FAM200A: variants seen among roughly 807,000 people sequenced by gnomAD.
FAM200A encodes ZBED8 like.
FAM200A carries 26 observed loss-of-function variants against 44.2 expected under a neutral mutation model. The ratio of observed to expected loss-of-function variants is 0.59; its 90% CI spans 0.43 to 0.82. FAM200A has a LOEUF of 0.82. FAM200A is among the 40% of genes least tolerant of loss of function. The pLI is 0.00. For synonymous variants in FAM200A, 206 were observed against 244.4 expected (o/e 0.84, Z 1.47); for missense variants, 606 against 669.5 (o/e 0.91, Z 1.05).
At chr7:99,549,693 T>A (rs1315923306) in intron 1 of FAM200A, among the ~76,000 whole-genome samples, 1 of 152,166 alleles carries the variant, frequency 6.6e-6, no homozygotes. Context: ...ATGTGGCACA[T>A]ATACACCATG....
chr7:99,550,117 C>G lies in FAM200A; in HGVS notation c.-99-1611G>C, dbSNP rs1312252294. ...CCTGACTTTACTAAATGAACCCCCC[C>G]CTTTTTTTTTTGAGACGGAGTCTAG... is the stretch of plus-strand genomic sequence containing the variant. On this transcript the variant is annotated intron_variant, in intron 1 of 1. Coordinates refer to ENST00000449309, the MANE Select transcript of FAM200A (RefSeq NM_145111.4). Among the ~76,000 whole-genome samples the G allele has an allele frequency of 5.9e-5, 9 of 151,994 alleles. No homozygotes were observed. The South Asian group carries it at 1.7e-3, about 28-fold the overall frequency.
chr7:99,558,084 T>C (rs750363584), intron 1 of FAM200A, among the ~76,000 whole-genome samples: 3 of 152,188 alleles, frequency 2.0e-5, no homozygotes, highest in South Asian at 2.1e-4. Context: ...CTCTCGGTTC[T>C]ATTCCAATCT....
chr7:99,558,111 G>A (rs1205458851), intron 1 of FAM200A, among the ~76,000 whole-genome samples: 2 of 151,854 alleles, frequency 1.3e-5, no homozygotes, highest in East Asian at 3.9e-4. Flanking sequence ...CTCCCCTCCC[G>A]TCCCCGCTTT....
chr7:99,551,043 C>T (rs928699252), intron 1 of FAM200A, among the ~76,000 whole-genome samples: 1 of 151,976 alleles, frequency 6.6e-6, no homozygotes, highest in Admixed American at 6.6e-5. Flanking sequence ...CCACTGCACT[C>T]CAGCCTGGGC....
At chr7:99,549,222 T>C (rs1451905947) in intron 1 of FAM200A, among the ~76,000 whole-genome samples, 3 of 143,526 alleles carry the variant, frequency 2.1e-5, no homozygotes, top group Non-Finnish European at 3.0e-5. Flanking sequence ...ATTATGAATA[T>C]TGAAACATGT....
Position 99,547,542 on chromosome 7 carries a change from C to T in FAM200A, c.866G>A (p.Gly289Glu). ...RLLEIFCSEIGVNHTHLLFHT... is the reference protein window; with the variant it reads ...RLLEIFCSEIEVNHTHLLFHT... The stretch of plus-strand genomic sequence containing the variant: ...AAACAATAAGTGGGTGTGGTTCACT[C>T]CAATCTCTGAACAAAATATTTCGAG... Residue 289 changes from glycine (G) to glutamate (E), a missense_variant, in exon 2 of 2, where the codon GGA (glycine) becomes GAA (glutamate). Gly to Glu is a moderately conservative substitution (Grantham distance 98, BLOSUM62 -2). Transcript: ENST00000449309. The T allele has an allele frequency of 6.4e-7, 1 of 1,551,010 alleles. No homozygotes were observed. Among genetic ancestry groups the T allele is most frequent in the Non-Finnish European group, 8.7e-7 (1 of 1,146,822 alleles).
Position 99,546,918 on chromosome 7 carries a change from G to A in FAM200A, c.1490C>T (p.Ala497Val), listed in dbSNP as rs1802400697. ...GTCATCTTTAATCTTAATCCAAAAT[G>A]CTGATAAACTTAATATCTTATAATA... is the stretch of plus-strand genomic sequence containing the variant. Reference protein sequence around the residue: ...KNYYKILSLSAFWIKIKDDFP... With the variant: ...KNYYKILSLSVFWIKIKDDFP... The change falls in exon 2 of 2, where the codon GCA becomes GTA. Residue 497 changes from alanine to valine, a missense_variant. Ala to Val is a moderately conservative substitution (Grantham distance 64, BLOSUM62 0). Coordinates refer to ENST00000449309, the MANE Select transcript of FAM200A (RefSeq NM_145111.4). 2.6e-6 allele frequency: 4 copies of A among 1,548,942 alleles called. No homozygotes were observed. Among genetic ancestry groups the A allele is most frequent in the Non-Finnish European group, 3.5e-6 (4 of 1,146,294 alleles).
intron 1 of FAM200A, among the ~76,000 whole-genome samples, chr7:99,549,527 G>T (rs1481023861): frequency 6.6e-6 from 1 of 152,144 alleles, no homozygotes; most frequent in Non-Finnish European, 1.5e-5. Context: ...AATACCATTT[G>T]ACCCAGCCAT....
intron 1 of FAM200A, among the ~76,000 whole-genome samples, chr7:99,550,776 C>T (rs1802510112): frequency 6.6e-6 from 1 of 152,090 alleles, no homozygotes; most frequent in Non-Finnish European, 1.5e-5. Context: ...CGAAATTGCT[C>T]ATTTAAAACC....
At chr7:99,557,857 T>G (rs1474237627) in intron 1 of FAM200A, among the ~76,000 whole-genome samples, 1 of 152,220 alleles carries the variant, frequency 6.6e-6, no homozygotes, top group Non-Finnish European at 1.5e-5. Flanking sequence ...ATCACTTTTC[T>G]GATTCTCTAA....
At chr7:99,548,876 C>CTTTTT (rs769162310) in intron 1 of FAM200A, among the ~76,000 whole-genome samples, 19 of 91,298 alleles carry the variant, frequency 2.1e-4, no homozygotes, top group African/African-American at 4.5e-4. Context: ...TCTGGTCATT[C>CTTTTT]TTTTTTTTTT....
upstream of FAM200A, among the ~76,000 whole-genome samples, chr7:99,554,152 C>T (rs1347238066): frequency 6.6e-6 from 1 of 152,114 alleles, no homozygotes; most frequent in East Asian, 1.9e-4. Flanking sequence ...CTGGACACTC[C>T]ACCATGGTGA....
chr7:99,557,996 C>G (rs1802754265), intron 1 of FAM200A, among the ~76,000 whole-genome samples: 1 of 152,190 alleles, frequency 6.6e-6, no homozygotes, highest in Non-Finnish European at 1.5e-5. Flanking sequence ...CGCTTGTGCA[C>G]AATGCTTTTG....
intron 1 of FAM200A, among the ~76,000 whole-genome samples, chr7:99,550,065 T>TA (rs763644558): frequency 2.0e-4 from 30 of 149,762 alleles, no homozygotes; most frequent in African/African-American, 3.4e-4. Flanking sequence ...AAGTAAATAA[T>TA]AAAAAAAAAC....
At chr7:99,551,428 C>G (rs1802527195) in intron 1 of FAM200A, among the ~76,000 whole-genome samples, 1 of 152,118 alleles carries the variant, frequency 6.6e-6, no homozygotes, top group South Asian at 2.1e-4. Flanking sequence ...GAACTCCTGG[C>G]CTCAAACGAT....
rs900157601 is a variant in FAM200A at position 99,547,436 on chromosome 7, G to A, written c.972C>T (p.Leu324=). ...YELRNEIYIF[L]VEKQSHLANI... is the part of the protein sequence containing the mutation. ...TTGCCAAATGAGATTGCTTTTCAAC[G>A]AGAAAAATGTAAATCTCGTTCCTGA... The change falls in exon 2 of 2, where the codon CTC becomes CTT. Residue 324 remains leucine, a synonymous_variant. Coordinates refer to ENST00000449309, the MANE Select transcript of FAM200A (RefSeq NM_145111.4). The A allele has an allele frequency of 6.4e-6, 10 of 1,551,100 alleles. No homozygotes were observed. In the African/African-American group the frequency reaches 6.8e-5, roughly 11 times the overall value.
rs1198178378 is a variant in FAM200A at position 99,548,253 on chromosome 7, C to T, written c.155G>A (p.Arg52His). Residue 52 changes from arginine to histidine, a missense_variant, in exon 2 of 2, where the codon CGC becomes CAC. Physicochemically the swap from Arg to His is conservative, Grantham distance 29. Transcript: ENST00000449309. Reference protein sequence around the residue: ...KVESSPQVLSRSTTMNERALL... With the variant: ...KVESSPQVLSHSTTMNERALL... ...GGCTCTCTCATTCATAGTTGTAGAGCGACTGAGAACTTGTGGCGATGACTC... is the reference window on the plus strand; with the variant it reads ...GGCTCTCTCATTCATAGTTGTAGAGTGACTGAGAACTTGTGGCGATGACTC... 1.6e-5 allele frequency: 26 copies of T among 1,612,526 alleles called. No homozygotes were observed. Among genetic ancestry groups the T allele is most frequent in the East Asian group, 2.2e-5 (1 of 44,882 alleles).
chr7:99,553,389 T>A (rs1037329749), upstream of FAM200A, among the ~76,000 whole-genome samples: 3 of 152,036 alleles, frequency 2.0e-5, no homozygotes, highest in Non-Finnish European at 4.4e-5. Context: ...TGAATGCAGT[T>A]GACTGGGTAT....
intron 1 of FAM200A, among the ~76,000 whole-genome samples, chr7:99,557,337 T>C (rs1802719597): frequency 6.6e-6 from 1 of 152,200 alleles, no homozygotes; most frequent in Non-Finnish European, 1.5e-5. Flanking sequence ...ACATTGCTAA[T>C]AGGTACAACC....
Sources: allele counts gnomAD v4.1 joint callset (sites outside exome capture counted in the v4.1 genomes callset), GRCh38; gene constraint gnomAD v4.1.1; transcripts MANE v1.5; gene names NCBI Gene and HGNC (gene_info 2026-07-23, HGNC 2026-07-21).